CNTNAP4: variants seen among roughly 807,000 people sequenced by gnomAD.
CNTNAP4 encodes contactin-associated protein-like 4.
CNTNAP4 carries 98 observed loss-of-function variants against 148.4 expected under a neutral mutation model. The observed-to-expected ratio is 0.66, with a 90% CI of 0.56 to 0.78. The LOEUF (loss-of-function observed/expected upper bound fraction) is 0.78. Among genes scored for constraint, CNTNAP4 ranks in the 30% least tolerant of loss-of-function variants. The pLI is 0.00. For missense variants in CNTNAP4, 1,935 were observed against 1,565.6 expected, an observed-to-expected ratio of 1.24 and a Z score of -3.98; for synonymous variants, 730 against 565.1, an observed-to-expected ratio of 1.29 and a Z score of -4.14.
At chr16:76,324,561 A>C (rs1962766335) in intron 2 of CNTNAP4, among the ~76,000 whole-genome samples, 1 of 152,192 alleles carries the variant, frequency 6.6e-6, no homozygotes, top group African/African-American at 2.4e-5. Flanking sequence ...ATAATCTCTC[A>C]GGAAACTCTG....
At chr16:76,353,046 C>T (rs974248409) in intron 2 of CNTNAP4, among the ~76,000 whole-genome samples, 3 of 152,070 alleles carry the variant, frequency 2.0e-5, no homozygotes, top group African/African-American at 4.8e-5. Context: ...TGGTGTACAA[C>T]GAAACTGCAC....
At chr16:76,371,619 C>T (rs17766904) in intron 3 of CNTNAP4, among the ~76,000 whole-genome samples, 18,905 of 152,164 alleles carry the variant, frequency 0.12, 1,954 homozygotes, top group East Asian at 0.47. Flanking sequence ...ACAACACACA[C>T]TTGGTATGCA....
intron 3 of CNTNAP4, among the ~76,000 whole-genome samples, chr16:76,390,790 G>C (rs1292044987): frequency 6.6e-6 from 1 of 151,938 alleles, no homozygotes; most frequent in East Asian, 1.9e-4. Flanking sequence ...AAGCACTTCT[G>C]GGTTTGCACT....
chr16:76,502,052 G>A (rs1464308626), intron 15 of CNTNAP4, among the ~76,000 whole-genome samples: 1 of 150,164 alleles, frequency 6.7e-6, no homozygotes, highest in Non-Finnish European at 1.5e-5. Flanking sequence ...CTGGGCGACA[G>A]AGCGAGACTC....
intron 8 of CNTNAP4, among the ~76,000 whole-genome samples, chr16:76,454,685 G>C (rs1279620580): frequency 6.6e-6 from 1 of 152,124 alleles, no homozygotes; most frequent in Non-Finnish European, 1.5e-5. Flanking sequence ...AGTTGGGTGG[G>C]AGGTCAGCTT....
At chr16:76,279,941 A>T (rs1320894932) in intron 1 of CNTNAP4, among the ~76,000 whole-genome samples, 8 of 152,170 alleles carry the variant, frequency 5.3e-5, no homozygotes, top group Admixed American at 4.6e-4. Context: ...TTTTGGAAGG[A>T]CAAGTGTATA....
intron 3 of CNTNAP4, among the ~76,000 whole-genome samples, chr16:76,426,392 C>T (rs1037392867): frequency 6.6e-6 from 1 of 152,078 alleles, no homozygotes; most frequent in African/African-American, 2.4e-5. Flanking sequence ...AGGGACTTAT[C>T]ATGAACCTGC....
intron 15 of CNTNAP4, among the ~76,000 whole-genome samples, chr16:76,499,594 G>A (rs953967399): frequency 6.6e-6 from 1 of 150,570 alleles, no homozygotes; most frequent in African/African-American, 2.4e-5. Context: ...TCATTCTTGG[G>A]TGTTTCTCGG....
intron 14 of CNTNAP4, among the ~76,000 whole-genome samples, chr16:76,495,508 A>G (rs189961797): frequency 1.3e-5 from 2 of 152,230 alleles, no homozygotes; most frequent in East Asian, 1.9e-4. Context: ...GACAAATCAT[A>G]CCACAAAGAA....
chr16:76,316,299 A>C lies in CNTNAP4; in HGVS notation c.86-114A>C, dbSNP rs569256899. On this transcript the variant is annotated intron_variant, in intron 1 of 23. Coordinates refer to ENST00000611870, the MANE Select transcript of CNTNAP4 (RefSeq NM_033401.5). ...GGAAGTAGTAGGCATATTTTTAGAGATCTTAGATCCTAGTTTTTGATGTTG... is the reference window on the plus strand; with the variant it reads ...GGAAGTAGTAGGCATATTTTTAGAGCTCTTAGATCCTAGTTTTTGATGTTG... 4.3e-5 allele frequency: 32 copies of C among 738,610 alleles called. 2 individuals are homozygous for C. In the Admixed American group the frequency reaches 5.6e-4, roughly 13 times the overall value. 45.8% of individuals were successfully genotyped at this position (738,610 alleles called of 1,614,324 possible). A position where few individuals can be genotyped will look rare whatever the true frequency, so the allele number is the denominator to read the frequency against.
intron 1 of CNTNAP4, among the ~76,000 whole-genome samples, chr16:76,281,465 T>C (rs1032117968): frequency 6.6e-6 from 1 of 152,096 alleles, no homozygotes; most frequent in Non-Finnish European, 1.5e-5. Flanking sequence ...CCTCTAGCTC[T>C]GGAGATAACG....
intron 21 of CNTNAP4, among the ~76,000 whole-genome samples, chr16:76,552,511 A>G (rs1288883906): frequency 1.3e-5 from 2 of 152,218 alleles, no homozygotes; most frequent in Non-Finnish European, 2.9e-5. Flanking sequence ...TTAATATCCC[A>G]GCATTAAAAC....
intron 3 of CNTNAP4, among the ~76,000 whole-genome samples, chr16:76,425,272 G>A (rs189828084): frequency 6.6e-6 from 1 of 152,186 alleles, no homozygotes; most frequent in African/African-American, 2.4e-5. Context: ...AAGTGTCCCT[G>A]CCATGGGTTG....
chr16:76,416,957 T>A (rs2079008855), intron 3 of CNTNAP4, among the ~76,000 whole-genome samples: 2 of 151,488 alleles, frequency 1.3e-5, no homozygotes, highest in African/African-American at 4.8e-5. Context: ...CTTTAGGAAA[T>A]GTTTCTTGCT....
chr16:76,337,753 C>T (rs959502731), intron 2 of CNTNAP4, among the ~76,000 whole-genome samples: 1 of 152,184 alleles, frequency 6.6e-6, no homozygotes, highest in African/African-American at 2.4e-5. Context: ...AAGACAGACA[C>T]TCCCAGAGCA....
chr16:76,277,591 G>A lies in CNTNAP4; in HGVS notation c.-72G>A, dbSNP rs1028883570. 3.4e-5 allele frequency: 34 copies of A among 992,542 alleles called. No individual in the cohort carries two copies. The highest frequency in any genetic ancestry group is 4.8e-5 in the Non-Finnish European group (31 of 639,962). 61.5% of individuals were successfully genotyped at this position (992,542 alleles called of 1,614,324 possible). A position where few individuals can be genotyped will look rare whatever the true frequency, so the allele number is the denominator to read the frequency against. On this transcript the variant is annotated 5_prime_UTR_variant, in exon 1 of 24. Coordinates refer to ENST00000611870, the MANE Select transcript of CNTNAP4 (RefSeq NM_033401.5). ...TGAAGACCCAGACAGAGCTGGCAGA[G>A]CTACTGAGAAGAGGACTGGAGCGCT...
intron 8 of CNTNAP4, among the ~76,000 whole-genome samples, chr16:76,453,136 C>T (rs2080581624): frequency 6.6e-6 from 1 of 152,182 alleles, no homozygotes; most frequent in East Asian, 1.9e-4. Flanking sequence ...CTAGACTCTT[C>T]CTAACACACT....
rs148356695 is a variant in CNTNAP4, at chr16:76,424,617, G to T, written c.391-2835G>T. ...AAAAATGCAGAAAAAAAATTAGCCA[G>T]CCATGGTGTCTGGGGCCCGTAATCC... On this transcript the variant is annotated intron_variant, in intron 3 of 23. Coordinates refer to ENST00000611870, the MANE Select transcript of CNTNAP4 (RefSeq NM_033401.5). Among the ~76,000 whole-genome samples, 724 of 152,184 alleles carry T rather than the reference G, an allele frequency of 4.8e-3. 3 individuals are homozygous for T. The highest frequency in any genetic ancestry group is 9.6e-3 in the Admixed American group (147 of 15,286).
intron 1 of CNTNAP4, among the ~76,000 whole-genome samples, chr16:76,289,860 C>T (rs542729833): frequency 8.3e-4 from 127 of 152,242 alleles, no homozygotes; most frequent in African/African-American, 3.0e-3. Flanking sequence ...CATGAACCAC[C>T]GCACCTGTCC....
Sources: gnomAD v4.1 joint callset for allele counts (sites outside exome capture counted in the v4.1 genomes callset) on GRCh38, gnomAD v4.1.1 for gene constraint, MANE v1.5 for transcripts, NCBI Gene and HGNC (gene_info 2026-07-23, HGNC 2026-07-21) for gene names.